Variants in ADAMTSL1 observed in about 807,000 individuals in gnomAD.
ADAMTSL1 encodes ADAMTS like 1, also known as ADAMTS-like protein 1.
In ADAMTSL1, 126 loss-of-function variants were observed where a neutral mutation model predicts 201.8. The ratio of observed to expected loss-of-function variants is 0.62; its 90% CI spans 0.54 to 0.72. The LOEUF is 0.72. Among genes scored for constraint, ADAMTSL1 ranks in the 30% least tolerant of loss-of-function variants. ADAMTSL1 has a pLI of 0.00. For missense variants in ADAMTSL1, 2,679 were observed against 2,277.8 expected (o/e 1.18, Z -3.59); for synonymous variants, 1,121 against 903.4 (o/e 1.24, Z -4.32).
chr9:18,618,971 G>A (rs141727558), intron 4 of ADAMTSL1, among the ~76,000 whole-genome samples: 481 of 152,254 alleles, frequency 3.2e-3, no homozygotes, highest in Non-Finnish European at 5.0e-3. Flanking sequence ...GAGGTATGAA[G>A]AAACGGCTAT....
intron 20 of ADAMTSL1, among the ~76,000 whole-genome samples, chr9:18,800,754 T>G (rs1177684584): frequency 6.6e-6 from 1 of 152,126 alleles, no homozygotes; most frequent in Non-Finnish European, 1.5e-5. Context: ...GTTGGACAGG[T>G]GGTGGGATAT....
chr9:18,600,827 C>G lies in ADAMTSL1; in HGVS notation c.475-21416C>G, dbSNP rs182891329. Among the ~76,000 whole-genome samples the G allele has an allele frequency of 7.2e-5, 11 of 152,268 alleles. No homozygotes were observed. In the East Asian group the frequency reaches 2.1e-3, roughly 29 times the overall value. ...AAGAAACAAAAATATAAACTCTTAG[C>G]CTGTACCTATGGTTGTTTCAAAAGA... On this transcript the variant is annotated intron_variant, in intron 4 of 28. Transcript: ENST00000380548.
At chr9:17,949,000 T>A (rs1312720163) in intron 1 of ADAMTSL1, among the ~76,000 whole-genome samples, 1 of 152,192 alleles carries the variant, frequency 6.6e-6, no homozygotes, top group Non-Finnish European at 1.5e-5. Context: ...TTAAAAAATA[T>A]CTGTATGATT....
At chr9:18,694,323 A>G (rs1331441306) in intron 13 of ADAMTSL1, among the ~76,000 whole-genome samples, 1 of 152,214 alleles carries the variant, frequency 6.6e-6, no homozygotes, top group Non-Finnish European at 1.5e-5. Flanking sequence ...ATCCCTTCTC[A>G]ACAATCTCCC....
intron 17 of ADAMTSL1, among the ~76,000 whole-genome samples, chr9:18,774,792 G>T (rs1037328002): frequency 6.6e-6 from 1 of 152,106 alleles, no homozygotes; most frequent in Non-Finnish European, 1.5e-5. Flanking sequence ...CCAGCTGATA[G>T]GTATTGGGTG....
intron 2 of ADAMTSL1, among the ~76,000 whole-genome samples, chr9:18,440,328 A>C (rs1315464504): frequency 6.6e-6 from 1 of 152,130 alleles, no homozygotes; most frequent in Non-Finnish European, 1.5e-5. Flanking sequence ...ACAATAACAA[A>C]TCTGTAAAAT....
intron 4 of ADAMTSL1, among the ~76,000 whole-genome samples, chr9:18,579,564 G>T (rs1822966922): frequency 1.3e-5 from 2 of 152,050 alleles, no homozygotes; most frequent in African/African-American, 4.8e-5. Flanking sequence ...TGTATTAATT[G>T]TACCCAAGTT....
At chr9:18,356,499 C>T (rs539144164) in intron 2 of ADAMTSL1, among the ~76,000 whole-genome samples, 6 of 136,726 alleles carry the variant, frequency 4.4e-5, no homozygotes, top group African/African-American at 1.1e-4. Flanking sequence ...GTGTATCCAG[C>T]TTGGGGGACA....
At chr9:18,776,029 C>A in intron 18 of ADAMTSL1, 133 bp downstream of exon 18, 1 of 1,219,156 alleles carries the variant, frequency 8.2e-7, no homozygotes, top group Non-Finnish European at 1.1e-6. Flanking sequence ...TGGAGGGCTG[C>A]AGGCAGGAGA....
intron 14 of ADAMTSL1, among the ~76,000 whole-genome samples, chr9:18,709,913 T>A (rs920134385): frequency 1.2e-4 from 18 of 152,206 alleles, no homozygotes; most frequent in Non-Finnish European, 1.2e-4. Context: ...CCTCTCTACT[T>A]TTTGCTTCTG....
intron 2 of ADAMTSL1, among the ~76,000 whole-genome samples, chr9:18,368,291 C>G (rs1836874444): frequency 6.6e-6 from 1 of 152,152 alleles, no homozygotes; most frequent in Non-Finnish European, 1.5e-5. Flanking sequence ...TTTATTGCCA[C>G]TACACGACTT....
intron 1 of ADAMTSL1, among the ~76,000 whole-genome samples, chr9:17,997,113 T>C (rs1192087894): frequency 6.6e-6 from 1 of 152,080 alleles, no homozygotes; most frequent in East Asian, 1.9e-4. Flanking sequence ...TTAGTATGCA[T>C]GGTGAAAAGT....
intron 2 of ADAMTSL1, among the ~76,000 whole-genome samples, chr9:18,166,732 C>A (rs779480886): frequency 2.2e-4 from 34 of 151,896 alleles, no homozygotes; most frequent in Non-Finnish European, 4.6e-4. Context: ...TTCTCTCACA[C>A]CCTTTCTTTA....
chr9:18,166,237 T>A (rs927405414), intron 2 of ADAMTSL1, among the ~76,000 whole-genome samples: 14 of 151,936 alleles, frequency 9.2e-5, no homozygotes, highest in Non-Finnish European at 1.8e-4. Context: ...GTCCCTAGGA[T>A]TTAGCCCAGC....
chr9:17,925,092 A>C (rs1275817499), intron 1 of ADAMTSL1, among the ~76,000 whole-genome samples: 1,640 of 84,924 alleles, frequency 0.019, 178 homozygotes, highest in African/African-American at 0.061. Context: ...CAGCCAAAAA[A>C]CACATGAAAA....
At chr9:18,344,309 AT>A (rs1279837467) in intron 2 of ADAMTSL1, among the ~76,000 whole-genome samples, 3 of 151,882 alleles carry the variant, frequency 2.0e-5, no homozygotes, top group East Asian at 1.9e-4. Flanking sequence ...TAACATTTTA[AT>A]TTTTTTTAAT....
chr9:18,863,504 C>T (rs897370974), intron 23 of ADAMTSL1, among the ~76,000 whole-genome samples: 1 of 152,066 alleles, frequency 6.6e-6, no homozygotes, highest in Non-Finnish European at 1.5e-5. Flanking sequence ...TCATCTTGGC[C>T]CAGTTATTTG....
chr9:18,330,714 C>T (rs1226083533), intron 2 of ADAMTSL1, among the ~76,000 whole-genome samples: 3 of 152,136 alleles, frequency 2.0e-5, no homozygotes, highest in Non-Finnish European at 4.4e-5. Context: ...GAATATAACA[C>T]CTAGTGACTC....
chr9:18,031,274 T>C (rs769177902), intron 1 of ADAMTSL1, among the ~76,000 whole-genome samples: 4 of 152,136 alleles, frequency 2.6e-5, no homozygotes, highest in Non-Finnish European at 5.9e-5. Context: ...AGGAGGCTGG[T>C]GTTTATTTTC....
Sources: allele counts gnomAD v4.1 joint callset (sites outside exome capture counted in the v4.1 genomes callset), GRCh38; gene constraint gnomAD v4.1.1; transcripts MANE v1.5; gene names NCBI Gene and HGNC (gene_info 2026-07-23, HGNC 2026-07-21).